GRID2: variants seen among roughly 807,000 people sequenced by gnomAD.
GRID2 encodes glutamate receptor ionotropic, delta-2.
A neutral mutation model predicts 114.8 loss-of-function variants in GRID2; 33 were observed. The observed-to-expected ratio is 0.29, with a 90% CI of 0.22 to 0.38. The LOEUF (loss-of-function observed/expected upper bound fraction) is 0.38. Among genes scored for constraint, GRID2 ranks in the 10% least tolerant of loss-of-function variants. The pLI, the probability that GRID2 is intolerant of heterozygous loss-of-function variation, is 1.00. For synonymous variants in GRID2, 505 were observed against 449.9 expected, an observed-to-expected ratio of 1.12 and a Z score of -1.55; for missense variants, 1,184 against 1,257.7, an observed-to-expected ratio of 0.94 and a Z score of 0.89.
At chr4:93,192,073 G>C (rs533953671) in intron 4 of GRID2, among the ~76,000 whole-genome samples, 2 of 151,930 alleles carry the variant, frequency 1.3e-5, no homozygotes, top group South Asian at 4.2e-4. Context: ...ATTTTCACTG[G>C]GGCTTATGTC....
At chr4:93,478,380 A>T (rs2149443924) in intron 11 of GRID2, among the ~76,000 whole-genome samples, 1 of 152,182 alleles carries the variant, frequency 6.6e-6, no homozygotes, top group East Asian at 1.9e-4. Flanking sequence ...TGGGTCTGGT[A>T]AAATAAACTT....
chr4:92,487,867 T>G (rs1722970075), intron 1 of GRID2, among the ~76,000 whole-genome samples: 1 of 152,208 alleles, frequency 6.6e-6, no homozygotes, highest in African/African-American at 2.4e-5. Flanking sequence ...TATGAAATTC[T>G]TGATCATTTT....
chr4:92,953,850 AC>A (rs2149138608), intron 2 of GRID2, among the ~76,000 whole-genome samples: 1 of 151,900 alleles, frequency 6.6e-6, no homozygotes, highest in African/African-American at 2.4e-5. Flanking sequence ...AACAACTGAA[AC>A]AAGTTTATGT....
chr4:92,588,443 G>A (rs1271774265), intron 1 of GRID2, among the ~76,000 whole-genome samples: 1 of 151,922 alleles, frequency 6.6e-6, no homozygotes, highest in African/African-American at 2.4e-5. Context: ...TTGGGAGGCC[G>A]AGGTAGGTGG....
At chr4:92,486,285 T>C (rs1209766628) in intron 1 of GRID2, among the ~76,000 whole-genome samples, 1 of 151,808 alleles carries the variant, frequency 6.6e-6, no homozygotes, top group Non-Finnish European at 1.5e-5. Context: ...TAATGTAATA[T>C]CATGCCCTTT....
chr4:92,538,682 A>G (rs939802479), intron 1 of GRID2, among the ~76,000 whole-genome samples: 3 of 152,210 alleles, frequency 2.0e-5, no homozygotes, highest in African/African-American at 7.2e-5. Context: ...ACACTTGTCT[A>G]TTACTGCATT....
chr4:93,409,929 C>A (rs1265664802), intron 9 of GRID2, among the ~76,000 whole-genome samples: 1 of 152,112 alleles, frequency 6.6e-6, no homozygotes, highest in Non-Finnish European at 1.5e-5. Flanking sequence ...TTACTTGTCT[C>A]TAGAAGTTTA....
chr4:92,616,773 A>T lies in GRID2; in HGVS notation c.244+26487A>T, dbSNP rs1441572648. Among the ~76,000 whole-genome samples the T allele has an allele frequency of 2.0e-5, 3 of 151,556 alleles. No homozygotes were observed. In the Admixed American group the frequency reaches 2.0e-4, roughly 10 times the overall value. ...TGATATCTGGGAGTATTTAGATAAT[A>T]TATTATAGCATATTAGGTTTGCAAT... On this transcript the variant is annotated intron_variant, in intron 2 of 15. Coordinates refer to ENST00000282020, the MANE Select transcript of GRID2 (RefSeq NM_001510.4).
At chr4:92,824,513 A>G (rs998765703) in intron 2 of GRID2, among the ~76,000 whole-genome samples, 1 of 151,842 alleles carries the variant, frequency 6.6e-6, no homozygotes, top group Non-Finnish European at 1.5e-5. Flanking sequence ...TTATTAACAT[A>G]TGTTTCTGAA....
chr4:92,686,265 C>T (rs1299408160), intron 2 of GRID2, among the ~76,000 whole-genome samples: 1 of 151,844 alleles, frequency 6.6e-6, no homozygotes, highest in Non-Finnish European at 1.5e-5. Context: ...ATGAGTATTA[C>T]TTAAAGATGG....
chr4:93,039,092 G>A (rs562341348), intron 2 of GRID2, among the ~76,000 whole-genome samples: 1 of 152,246 alleles, frequency 6.6e-6, no homozygotes, highest in African/African-American at 2.4e-5. Context: ...TGATAGACTG[G>A]ATAAAGAAAA....
intron 14 of GRID2, among the ~76,000 whole-genome samples, chr4:93,748,112 TATC>T (rs1331817004): frequency 1.3e-5 from 2 of 152,254 alleles, no homozygotes; most frequent in African/African-American, 4.8e-5. Flanking sequence ...GTTTATATAC[TATC>T]AAGTAAAAAT....
chr4:93,262,757 ACT>A (rs1183975650), intron 8 of GRID2, among the ~76,000 whole-genome samples: 9 of 151,804 alleles, frequency 5.9e-5, no homozygotes, highest in Non-Finnish European at 1.2e-4. Context: ...TATTCCAATA[ACT>A]CTTCATTTTT....
At chr4:93,492,615 T>C (rs964243701) in intron 12 of GRID2, among the ~76,000 whole-genome samples, 1 of 151,872 alleles carries the variant, frequency 6.6e-6, no homozygotes, top group Non-Finnish European at 1.5e-5. Flanking sequence ...TTTTGTGTTA[T>C]AGGCATGTAG....
rs187520479 is a variant in GRID2 at position 93,709,401 on chromosome 4, G to T, written c.2361-59809G>T. On this transcript the variant is annotated intron_variant, in intron 14 of 15. Transcript: ENST00000282020. Reference sequence around the variant, plus strand: ...CTTTTTTCCTTAGCACTTTAAATATGTCATGCCACTCTCTCTTGGCTTGTA... The same window carrying T: ...CTTTTTTCCTTAGCACTTTAAATATTTCATGCCACTCTCTCTTGGCTTGTA... Among the ~76,000 whole-genome samples, 180 of 152,208 alleles carry T rather than the reference G, an allele frequency of 1.2e-3. 1 individual carries two copies. Among genetic ancestry groups the T allele is most frequent in the African/African-American group, 4.2e-3 (174 of 41,562 alleles).
At chr4:93,429,025 A>G (rs935344833) in intron 10 of GRID2, among the ~76,000 whole-genome samples, 1 of 152,190 alleles carries the variant, frequency 6.6e-6, no homozygotes, top group African/African-American at 2.4e-5. Flanking sequence ...TGCCAGACGT[A>G]TGCCCCTTGA....
intron 1 of GRID2, among the ~76,000 whole-genome samples, chr4:92,534,737 T>C (rs1464901391): frequency 6.6e-6 from 1 of 152,150 alleles, no homozygotes; most frequent in Non-Finnish European, 1.5e-5. Context: ...ACATCACTGG[T>C]GAATGCCAAA....
At chr4:92,946,527 T>C (rs552932518) in intron 2 of GRID2, among the ~76,000 whole-genome samples, 1 of 152,232 alleles carries the variant, frequency 6.6e-6, no homozygotes, top group African/African-American at 2.4e-5. Flanking sequence ...TTTATTTAAG[T>C]TGTTTGTTTT....
At chr4:93,463,226 A>G (rs986845523) in intron 11 of GRID2, among the ~76,000 whole-genome samples, 1 of 152,206 alleles carries the variant, frequency 6.6e-6, no homozygotes, top group African/African-American at 2.4e-5. Flanking sequence ...TTCATGCTGA[A>G]AGTGAATGTT....
Sources: gnomAD v4.1 joint callset for allele counts (sites outside exome capture counted in the v4.1 genomes callset) on GRCh38, gnomAD v4.1.1 for gene constraint, MANE v1.5 for transcripts, NCBI Gene and HGNC (gene_info 2026-07-23, HGNC 2026-07-21) for gene names.